The following ARHGAP26 variants were observed in gnomAD, a reference collection of about 807,000 sequenced individuals.
The protein encoded by ARHGAP26 is rho GTPase-activating protein 26.
ARHGAP26 carries 38 observed loss-of-function variants against 104.8 expected under a neutral mutation model. The ratio of observed to expected loss-of-function variants is 0.36; its 90% CI spans 0.28 to 0.48. ARHGAP26 has a LOEUF of 0.48. ARHGAP26 is among the 20% of genes least tolerant of loss of function. The pLI is 0.99. For missense variants in ARHGAP26, 704 were observed against 947.9 expected, an observed-to-expected ratio of 0.74 and a Z score of 3.38; for synonymous variants, 341 against 340.0, an observed-to-expected ratio of 1.00 and a Z score of -0.03.
At chr5:142,953,360 C>G (rs981127605) in intron 11 of ARHGAP26, among the ~76,000 whole-genome samples, 7 of 152,170 alleles carry the variant, frequency 4.6e-5, no homozygotes, top group African/African-American at 1.7e-4. Context: ...CTTTTTCCTT[C>G]TCGTGTACCT....
intron 1 of ARHGAP26, among the ~76,000 whole-genome samples, chr5:142,789,728 C>T (rs991132924): frequency 4.6e-5 from 7 of 152,212 alleles, no homozygotes; most frequent in African/African-American, 1.7e-4. Flanking sequence ...CCCATACACA[C>T]TCCTGCCACT....
In ARHGAP26 at chr5:143,222,473, C is replaced by CT; in HGVS notation, c.*30dup. The stretch of plus-strand genomic sequence containing the variant: ...CGTGGGCCCCAGCAGAACTGCTGAG[C>CT]TTTACATGGTATCCATGACAACTGC... On this transcript the variant is annotated 3_prime_UTR_variant, in exon 23 of 23. Coordinates refer to ENST00000645722, the MANE Select transcript of ARHGAP26 (RefSeq NM_001135608.3). The CT allele has an allele frequency of 6.5e-7, 1 of 1,546,790 alleles. No homozygotes were observed. The highest frequency in any genetic ancestry group is 8.8e-7 in the Non-Finnish European group (1 of 1,134,022).
chr5:142,933,728 GA>G lies in ARHGAP26; in HGVS notation c.1107+1606del, dbSNP rs545277102. Among the ~76,000 whole-genome samples, 554 of 152,260 alleles carry G rather than the reference GA, an allele frequency of 3.6e-3. 2 individuals are homozygous for G. The highest frequency in any genetic ancestry group is 6.0e-3 in the Non-Finnish European group (411 of 68,006). On this transcript the variant is annotated intron_variant, in intron 11 of 22. Transcript: ENST00000645722. ...CATATCTACCTGCAAAGCAGGCTGG[GA>G]AACCTAGGCTGTACATAGGCAGTCA... is the stretch of plus-strand genomic sequence containing the variant.
At chr5:143,159,164 C>A (rs546458889) in intron 20 of ARHGAP26, among the ~76,000 whole-genome samples, 3 of 152,150 alleles carry the variant, frequency 2.0e-5, no homozygotes, top group Non-Finnish European at 4.4e-5. Flanking sequence ...AGGGACACAG[C>A]CAGACCTTTC....
chr5:143,050,852 C>CA (rs1013261447), intron 14 of ARHGAP26, among the ~76,000 whole-genome samples: 8 of 152,256 alleles, frequency 5.3e-5, no homozygotes, highest in Admixed American at 2.0e-4. Context: ...CCTGAGTCCC[C>CA]AAAGAAGAAA....
At chr5:143,095,182 CAT>C (rs1792123420) in intron 17 of ARHGAP26, among the ~76,000 whole-genome samples, 3 of 150,456 alleles carry the variant, frequency 2.0e-5, no homozygotes, top group Non-Finnish European at 3.0e-5. Context: ...TGTATAAAAA[CAT>C]ATATACACAG....
At chr5:142,962,839 G>A (rs1176522826) in intron 11 of ARHGAP26, among the ~76,000 whole-genome samples, 1 of 151,998 alleles carries the variant, frequency 6.6e-6, no homozygotes, top group African/African-American at 2.4e-5. Flanking sequence ...ACATGTGCAG[G>A]TTTGTTACCT....
At chr5:142,810,453 A>G (rs765105623) in intron 1 of ARHGAP26, among the ~76,000 whole-genome samples, 1 of 152,088 alleles carries the variant, frequency 6.6e-6, no homozygotes, top group Non-Finnish European at 1.5e-5. Flanking sequence ...TTTAATGAAC[A>G]TGCCTTTTTG....
At chr5:142,884,609 T>G (rs1757456970) in intron 4 of ARHGAP26, among the ~76,000 whole-genome samples, 1 of 152,226 alleles carries the variant, frequency 6.6e-6, no homozygotes, top group African/African-American at 2.4e-5. Flanking sequence ...AGTTTTCCAA[T>G]GACTAGTTAT....
chr5:143,157,100 C>T lies in ARHGAP26; in HGVS notation c.1988+9719C>T, dbSNP rs114817633. The stretch of plus-strand genomic sequence containing the variant: ...GTGGACAGATTAGAGATGTCTAAAT[C>T]AGCATTTCCCAAACTGGTACAGGAA... On this transcript the variant is annotated intron_variant, in intron 20 of 22. Transcript: ENST00000645722. Among the ~76,000 whole-genome samples the T allele has an allele frequency of 3.9e-3, 599 of 151,922 alleles. 2 individuals are homozygous for T. The highest frequency in any genetic ancestry group is 0.014 in the African/African-American group (588 of 41,448).
At chr5:142,867,683 G>A (rs1252704660) in intron 1 of ARHGAP26, among the ~76,000 whole-genome samples, 4 of 152,116 alleles carry the variant, frequency 2.6e-5, no homozygotes, top group Admixed American at 2.0e-4. Context: ...CTTGGTATAG[G>A]TGAGGTTTTA....
Position 143,225,026 on chromosome 5 carries a change from C to T in ARHGAP26, c.*2580C>T, listed in dbSNP as rs796579740. 49 of 223,780 alleles carry T rather than the reference C, an allele frequency of 2.2e-4. No individual in the cohort carries two copies. The highest frequency in any genetic ancestry group is 9.8e-4 in the African/African-American group (44 of 44,886). The allele number at this position is 223,780 out of a possible 1,614,324, so 13.9% of individuals were successfully genotyped here. A position where few individuals can be genotyped will look rare whatever the true frequency, so the allele number is the denominator to read the frequency against. The stretch of plus-strand genomic sequence containing the variant: ...CTCAAGAAAGCCACTGGGGAAAACT[C>T]GAGAAGAAAGGGAGTATACTAGTAG... On this transcript the variant is annotated 3_prime_UTR_variant, in exon 23 of 23. Transcript: ENST00000645722.
At chr5:142,900,105 A>G (rs1760084704) in intron 6 of ARHGAP26, among the ~76,000 whole-genome samples, 1 of 152,216 alleles carries the variant, frequency 6.6e-6, no homozygotes, top group East Asian at 1.9e-4. Context: ...CAGGGAGAGC[A>G]GAGTTAAGAA....
chr5:142,997,315 C>A (rs1178504630), intron 11 of ARHGAP26, among the ~76,000 whole-genome samples: 1 of 152,136 alleles, frequency 6.6e-6, no homozygotes, highest in African/African-American at 2.4e-5. Flanking sequence ...TTTGATCATC[C>A]ACTGTGCATG....
At chr5:143,207,380 C>T in intron 21 of ARHGAP26, 72 bp downstream of exon 21, 1 of 1,614,174 alleles carries the variant, frequency 6.2e-7, no homozygotes. Context: ...TCTCTTCATG[C>T]AGTGTTCAGC....
intron 1 of ARHGAP26, among the ~76,000 whole-genome samples, chr5:142,862,247 A>T (rs1403369510): frequency 6.6e-6 from 1 of 152,214 alleles, no homozygotes; most frequent in African/African-American, 2.4e-5. Context: ...GGACCCTGGA[A>T]GAGGCAGGCC....
At chr5:142,910,202 A>G (rs376153891) in intron 9 of ARHGAP26, among the ~76,000 whole-genome samples, 24 of 152,104 alleles carry the variant, frequency 1.6e-4, no homozygotes, top group African/African-American at 5.8e-4. Flanking sequence ...CTCCTTTTAC[A>G]AAGGAGGACA....
At chr5:142,831,071 G>A (rs1157117567) in intron 1 of ARHGAP26, among the ~76,000 whole-genome samples, 1 of 152,098 alleles carries the variant, frequency 6.6e-6, no homozygotes, top group South Asian at 2.1e-4. Flanking sequence ...GTGAAATTCC[G>A]ATCACAATGC....
chr5:143,119,066 G>T (rs914199544), intron 17 of ARHGAP26, among the ~76,000 whole-genome samples: 33 of 152,132 alleles, frequency 2.2e-4, no homozygotes, highest in African/African-American at 7.2e-4. Context: ...ATGCCATTGT[G>T]TTCTCCCCAG....
Sources: gnomAD v4.1 joint callset for allele counts (sites outside exome capture counted in the v4.1 genomes callset) on GRCh38, gnomAD v4.1.1 for gene constraint, MANE v1.5 for transcripts, NCBI Gene and HGNC (gene_info 2026-07-23, HGNC 2026-07-21) for gene names.